Variants in MBNL1 observed in about 807,000 individuals in gnomAD.
The protein encoded by MBNL1 is muscleblind like splicing regulator 1.
Under a neutral mutation model 42.2 loss-of-function variants are expected in MBNL1, and 8 were observed. The observed-to-expected ratio is 0.19, with a 90% CI of 0.11 to 0.34. The LOEUF (loss-of-function observed/expected upper bound fraction) is 0.34. Among genes scored for constraint, MBNL1 ranks in the 10% least tolerant of loss-of-function variants. The pLI is 1.00. For synonymous variants in MBNL1, 169 were observed against 173.9 expected (o/e 0.97, Z 0.22); for missense variants, 309 against 495.3 (o/e 0.62, Z 3.57).
chr3:152,358,170 A>G (rs1263662491), intron 2 of MBNL1, among the ~76,000 whole-genome samples: 1 of 152,230 alleles, frequency 6.6e-6, no homozygotes, highest in Non-Finnish European at 1.5e-5. Flanking sequence ...GAAGAGCGAA[A>G]TGTGTATAAA....
At chr3:152,451,870 A>T (rs1022607861) in intron 6 of MBNL1, among the ~76,000 whole-genome samples, 21 of 152,172 alleles carry the variant, frequency 1.4e-4, no homozygotes, top group African/African-American at 4.8e-4. Context: ...TCATTTTACG[A>T]ATGAGTAATT....
intron 3 of MBNL1, among the ~76,000 whole-genome samples, chr3:152,417,798 G>T (rs16864281): frequency 6.6e-6 from 1 of 152,108 alleles, no homozygotes; most frequent in Non-Finnish European, 1.5e-5. Flanking sequence ...AGTTACAGAG[G>T]CTGCAACATA....
In MBNL1 at chr3:152,299,823, G is replaced by A. The variant is rs749519281; in HGVS notation, c.-371G>A. 13 of 402,594 alleles carry A rather than the reference G, an allele frequency of 3.2e-5. No homozygotes were observed. The highest frequency in any genetic ancestry group is 5.7e-5 in the Non-Finnish European group (13 of 228,668). The allele number at this position is 402,594 out of a possible 1,614,324, so 24.9% of individuals were successfully genotyped here. A position where few individuals can be genotyped will look rare whatever the true frequency, so the allele number is the denominator to read the frequency against. Reference sequence around the variant, plus strand: ...GAAAGCAGCTTGGAAATTCGGTGTCGAAGGGTCTGCCACGTTTTCATGCTT... The same window carrying A: ...GAAAGCAGCTTGGAAATTCGGTGTCAAAGGGTCTGCCACGTTTTCATGCTT... On this transcript the variant is annotated 5_prime_UTR_variant, in exon 2 of 10. Transcript: ENST00000324210.
chr3:152,316,300 C>T (rs1486086638), intron 2 of MBNL1, among the ~76,000 whole-genome samples: 1 of 152,180 alleles, frequency 6.6e-6, no homozygotes, highest in Non-Finnish European at 1.5e-5. Flanking sequence ...GAAAACTCAG[C>T]GTTGAAAGTA....
At chr3:152,387,167 G>A (rs2097475157) in intron 2 of MBNL1, among the ~76,000 whole-genome samples, 1 of 151,660 alleles carries the variant, frequency 6.6e-6, no homozygotes, top group Non-Finnish European at 1.5e-5. Context: ...CAATAATCAG[G>A]TGTTGTATCT....
intron 1 of MBNL1, among the ~76,000 whole-genome samples, chr3:152,289,119 T>C (rs992796870): frequency 6.6e-6 from 1 of 152,120 alleles, no homozygotes; most frequent in African/African-American, 2.4e-5. Flanking sequence ...TTAATACATA[T>C]ATGAATACAC....
chr3:152,247,453 A>G (rs1668888096), intron 2 of MBNL1, among the ~76,000 whole-genome samples: 1 of 152,030 alleles, frequency 6.6e-6, no homozygotes, highest in Admixed American at 6.6e-5. Context: ...ATACATGAAA[A>G]GAAAATACCT....
chr3:152,319,612 C>CTGT (rs2074941140), intron 2 of MBNL1, among the ~76,000 whole-genome samples: 2 of 40,244 alleles, frequency 5.0e-5, no homozygotes, highest in East Asian at 1.3e-3. Context: ...AAGTTCTATA[C>CTGT]TGTTTTTTTT....
In MBNL1 at chr3:152,299,942, C is replaced by A; in HGVS notation, c.-252C>A. On this transcript the variant is annotated 5_prime_UTR_variant, in exon 2 of 10. Coordinates refer to ENST00000324210, the MANE Select transcript of MBNL1 (RefSeq NM_021038.5). Reference sequence around the variant, plus strand: ...TTTTAAACGTTCATCTACTTACAATCCTAGTATTTCTCTAAAAACCAAAAC... The same window carrying A: ...TTTTAAACGTTCATCTACTTACAATACTAGTATTTCTCTAAAAACCAAAAC... The A allele has an allele frequency of 2.1e-6, 1 of 478,890 alleles. No homozygotes were observed. The highest frequency in any genetic ancestry group is 4.0e-5 in the Admixed American group (1 of 25,164). The allele number at this position is 478,890 out of a possible 1,614,324, so 29.7% of individuals were successfully genotyped here. A position where few individuals can be genotyped will look rare whatever the true frequency, so the allele number is the denominator to read the frequency against.
intron 1 of MBNL1, among the ~76,000 whole-genome samples, chr3:152,279,895 G>A (rs553030019): frequency 6.6e-6 from 1 of 152,254 alleles, no homozygotes; most frequent in East Asian, 1.9e-4. Flanking sequence ...TACATGTGAT[G>A]TAGCCTGTGA....
intron 1 of MBNL1, among the ~76,000 whole-genome samples, chr3:152,283,326 T>TTATC (rs777205059): frequency 3.9e-5 from 6 of 152,184 alleles, no homozygotes; most frequent in Non-Finnish European, 7.4e-5. Context: ...TATTTACGTG[T>TTATC]GATATATACC....
At chr3:152,456,583 G>C (rs1734241416) in intron 8 of MBNL1, among the ~76,000 whole-genome samples, 1 of 152,110 alleles carries the variant, frequency 6.6e-6, no homozygotes, top group Non-Finnish European at 1.5e-5. Context: ...ATTTATAAGT[G>C]CTCCAAAGTC....
At chr3:152,272,812 A>C (rs1466366728) in intron 1 of MBNL1, among the ~76,000 whole-genome samples, 1 of 152,222 alleles carries the variant, frequency 6.6e-6, no homozygotes, top group East Asian at 1.9e-4. Flanking sequence ...AACAAAGCAC[A>C]ATGGCATAGG....
At chr3:152,450,686 A>C (rs889988126) in intron 6 of MBNL1, among the ~76,000 whole-genome samples, 5 of 152,222 alleles carry the variant, frequency 3.3e-5, no homozygotes, top group African/African-American at 1.2e-4. Context: ...AGTCTGTGTA[A>C]ACCACAATTG....
At chr3:152,419,233 A>G (rs1334991844) in intron 3 of MBNL1, among the ~76,000 whole-genome samples, 1 of 152,048 alleles carries the variant, frequency 6.6e-6, no homozygotes, top group Non-Finnish European at 1.5e-5. Flanking sequence ...GAAGGCCTAT[A>G]GTGTTTAATT....
intron 2 of MBNL1, among the ~76,000 whole-genome samples, chr3:152,414,051 G>A (rs1455383662): frequency 6.6e-6 from 1 of 152,112 alleles, no homozygotes; most frequent in African/African-American, 2.4e-5. Context: ...AAAGTGCTAA[G>A]ATTACTAAAC....
At chr3:152,274,715 T>C (rs1241560316) in intron 1 of MBNL1, among the ~76,000 whole-genome samples, 1 of 152,200 alleles carries the variant, frequency 6.6e-6, no homozygotes, top group Non-Finnish European at 1.5e-5. Context: ...TTAATTCATT[T>C]ATTTATTTCT....
At chr3:152,309,338 G>C (rs974544676) in intron 2 of MBNL1, among the ~76,000 whole-genome samples, 8 of 152,136 alleles carry the variant, frequency 5.3e-5, no homozygotes, top group African/African-American at 1.7e-4. Context: ...CAGCAAAATT[G>C]TTCTGAAGCT....
At chr3:152,255,447 T>C (rs1299233649) in intron 2 of MBNL1, among the ~76,000 whole-genome samples, 1 of 152,188 alleles carries the variant, frequency 6.6e-6, no homozygotes, top group Non-Finnish European at 1.5e-5. Context: ...TCTGACTTTA[T>C]GGTTCTTCTC....
Sources: allele counts gnomAD v4.1 joint callset (sites outside exome capture counted in the v4.1 genomes callset), GRCh38; gene constraint gnomAD v4.1.1; transcripts MANE v1.5; gene names NCBI Gene and HGNC (gene_info 2026-07-23, HGNC 2026-07-21).